TANGO6: variants seen among roughly 807,000 people sequenced by gnomAD.
The protein encoded by TANGO6 is transport and Golgi organization protein 6 homolog.
In TANGO6, 90 loss-of-function variants were observed where a neutral mutation model predicts 114.2. That is an observed-to-expected ratio of 0.79 (90% CI 0.66 to 0.94). The LOEUF (loss-of-function observed/expected upper bound fraction) is 0.94. Ranked by LOEUF, TANGO6 falls within the 40% of genes least tolerant of loss-of-function variation. The pLI is 0.00. For synonymous variants in TANGO6, 477 were observed against 509.8 expected (o/e 0.94, Z 0.87); for missense variants, 1,274 against 1,315.3 (o/e 0.97, Z 0.49).
In TANGO6 at chr16:68,867,423, A is replaced by G. The variant is rs984022057; in HGVS notation, c.994+203A>G. ...CTAATTCTCTTGCTCTTTTCCTAAA[A>G]CACTTGTGATACACTGCCTATTTTA... is the stretch of plus-strand genomic sequence containing the variant. On this transcript the variant is annotated intron_variant, in intron 4 of 17. Coordinates refer to ENST00000261778, the MANE Select transcript of TANGO6 (RefSeq NM_024562.2). 7.0e-6 allele frequency: 4 copies of G among 572,420 alleles called. No homozygotes were observed. In the African/African-American group the frequency reaches 7.5e-5, roughly 11 times the overall value. 35.5% of individuals were successfully genotyped at this position (572,420 alleles called of 1,614,324 possible). A position where few individuals can be genotyped will look rare whatever the true frequency, so the allele number is the denominator to read the frequency against.
rs765233493 is a variant in TANGO6, at chr16:68,900,453, A to C, written c.1397A>C (p.Glu466Ala). 6.2e-7 allele frequency: 1 copy of C among 1,613,992 alleles called. No individual in the cohort carries two copies. Among genetic ancestry groups the C allele is most frequent in the Non-Finnish European group, 8.5e-7 (1 of 1,179,880 alleles). ...DVFKVYVVGNEPLTVLMDSLL... is the reference protein window; with the variant it reads ...DVFKVYVVGNAPLTVLMDSLL... The stretch of plus-strand genomic sequence containing the variant: ...TTCTAGGTGTACGTGGTTGGGAATG[A>C]ACCTTTAACAGTTTTGATGGATTCC... Residue 466 changes from glutamate to alanine, a missense_variant, in exon 8 of 18, where the codon GAA becomes GCA. This residue lies in a region of TANGO6 where 908 missense variants were observed against 910.2 expected (regional missense o/e 1.00). Coordinates refer to ENST00000261778, the MANE Select transcript of TANGO6 (RefSeq NM_024562.2).
chr16:69,051,940 CTTTTTCTTTT>C (rs1435492019), intron 17 of TANGO6, among the ~76,000 whole-genome samples: 3 of 148,276 alleles, frequency 2.0e-5, no homozygotes, highest in East Asian at 3.9e-4. Context: ...TTCTTTCTTT[CTTTTTCTTTT>C]TTTTTTTTTT....
chr16:68,867,489 C>A, intron 4 of TANGO6: 1 of 331,450 alleles, frequency 3.0e-6, no homozygotes. Context: ...TTTATACTAT[C>A]TGGGGAAAAC....
chr16:68,947,853 A>G (rs1221857332), intron 14 of TANGO6, among the ~76,000 whole-genome samples: 2 of 152,100 alleles, frequency 1.3e-5, no homozygotes, highest in Admixed American at 1.3e-4. Flanking sequence ...CGGCCTCCCA[A>G]AGTGCTGGGA....
chr16:69,046,384 A>G (rs528068479), intron 17 of TANGO6, among the ~76,000 whole-genome samples: 15 of 151,248 alleles, frequency 9.9e-5, no homozygotes, highest in African/African-American at 3.6e-4. Context: ...CAGTGGCACG[A>G]TCTCGGCTCA....
intron 14 of TANGO6, among the ~76,000 whole-genome samples, chr16:68,948,490 C>T (rs185208453): frequency 6.6e-6 from 1 of 152,310 alleles, no homozygotes; most frequent in Admixed American, 6.5e-5. Context: ...GTGCCTCTGG[C>T]TCTGAAGTCT....
chr16:68,851,071 A>C (rs1220358633), intron 1 of TANGO6, among the ~76,000 whole-genome samples: 1 of 152,122 alleles, frequency 6.6e-6, no homozygotes, highest in Non-Finnish European at 1.5e-5. Context: ...TTGAAAAGAC[A>C]TGCAAATAAT....
At chr16:68,897,585 T>A (rs1348987160) in intron 7 of TANGO6, among the ~76,000 whole-genome samples, 1 of 151,984 alleles carries the variant, frequency 6.6e-6, no homozygotes, top group Non-Finnish European at 1.5e-5. Flanking sequence ...GCGGATTTTT[T>A]TTTTTTTTTT....
At chr16:68,902,851 G>T (rs2152182519) in intron 9 of TANGO6, among the ~76,000 whole-genome samples, 1 of 152,238 alleles carries the variant, frequency 6.6e-6, no homozygotes, top group South Asian at 2.1e-4. Context: ...TCTCAAAATG[G>T]TATATGTGTG....
At chr16:69,045,398 C>T (rs1489441215) in intron 17 of TANGO6, among the ~76,000 whole-genome samples, 10 of 125,982 alleles carry the variant, frequency 7.9e-5, no homozygotes, top group Non-Finnish European at 9.6e-5. Context: ...GAGCCAAGAT[C>T]GAGCCACTGC....
intron 14 of TANGO6, among the ~76,000 whole-genome samples, chr16:68,942,566 G>A (rs1325555107): frequency 6.6e-6 from 1 of 152,152 alleles, no homozygotes; most frequent in Non-Finnish European, 1.5e-5. Context: ...TCTGACATAG[G>A]AAGAATGGGT....
At chr16:68,855,670 G>C (rs915379044) in intron 1 of TANGO6, among the ~76,000 whole-genome samples, 2 of 151,042 alleles carry the variant, frequency 1.3e-5, no homozygotes, top group Non-Finnish European at 3.0e-5. Flanking sequence ...GGATCACCTG[G>C]TCAGGAGTTT....
intron 17 of TANGO6, among the ~76,000 whole-genome samples, chr16:69,065,055 C>T (rs1443554355): frequency 6.6e-6 from 1 of 152,248 alleles, no homozygotes; most frequent in Non-Finnish European, 1.5e-5. Flanking sequence ...AAGCAGTAGC[C>T]TGCTGCCTTT....
At chr16:69,060,520 G>A (rs1960097676) in intron 17 of TANGO6, among the ~76,000 whole-genome samples, 1 of 151,746 alleles carries the variant, frequency 6.6e-6, no homozygotes, top group Non-Finnish European at 1.5e-5. Flanking sequence ...ACATGAGCCC[G>A]GGAGTTGAAG....
At chr16:69,067,537 A>AAAAAAAAAAAAAAAG (rs1960233882) in intron 17 of TANGO6, among the ~76,000 whole-genome samples, 1 of 148,190 alleles carries the variant, frequency 6.7e-6, no homozygotes, top group Non-Finnish European at 1.5e-5. Flanking sequence ...AAAAAAAAAA[A>AAAAAAAAAAAAAAAG]CGCTGGGCGC....
At chr16:68,887,346 A>G (rs765999280) in intron 7 of TANGO6, among the ~76,000 whole-genome samples, 5 of 152,150 alleles carry the variant, frequency 3.3e-5, no homozygotes, top group Non-Finnish European at 4.4e-5. Flanking sequence ...ACCTTTATAC[A>G]CTATCCTGAT....
At chr16:68,953,296 T>C (rs1375529680) in intron 14 of TANGO6, among the ~76,000 whole-genome samples, 2 of 152,058 alleles carry the variant, frequency 1.3e-5, no homozygotes, top group Admixed American at 1.3e-4. Context: ...TTGGCCAGGC[T>C]GATCTCGAAT....
At chr16:68,968,710 G>T (rs1486867642) in intron 14 of TANGO6, among the ~76,000 whole-genome samples, 2 of 121,382 alleles carry the variant, frequency 1.6e-5, no homozygotes, top group Admixed American at 9.9e-5. Context: ...TTGCTCTGTC[G>T]CCCAGGCTGG....
At chr16:68,970,391 G>A (rs548989257) in intron 14 of TANGO6, among the ~76,000 whole-genome samples, 9 of 152,282 alleles carry the variant, frequency 5.9e-5, no homozygotes, top group East Asian at 1.9e-4. Context: ...GTAAGGGCCC[G>A]GCACGGTGGC....
Sources: gnomAD v4.1 joint callset for allele counts (sites outside exome capture counted in the v4.1 genomes callset) on GRCh38, gnomAD v4.1.1 for gene constraint, gnomAD v4.1.1 regional missense constraint, MANE v1.5 for transcripts, NCBI Gene and HGNC (gene_info 2026-07-23, HGNC 2026-07-21) for gene names.